ALMS1: variants seen among roughly 807,000 people sequenced by gnomAD.
ALMS1 encodes ALMS1 centrosome and basal body associated protein, also known as centrosome-associated protein ALMS1.
In ALMS1, 271 loss-of-function variants were observed where a neutral mutation model predicts 352.2. The ratio of observed to expected loss-of-function variants is 0.77; its 90% CI spans 0.70 to 0.85. The LOEUF (loss-of-function observed/expected upper bound fraction) is 0.85. ALMS1 is among the 40% of genes least tolerant of loss of function. The probability of loss-of-function intolerance (pLI) is 0.00; values close to 1 mark genes in which losing one functional copy is unlikely to be tolerated. For missense variants in ALMS1, 5,445 were observed against 4,870.7 expected, an observed-to-expected ratio of 1.12 and a Z score of -3.51; for synonymous variants, 1,865 against 1,761.2, an observed-to-expected ratio of 1.06 and a Z score of -1.48.
At chr2:73,540,984 C>A (rs1275607526) in intron 12 of ALMS1, among the ~76,000 whole-genome samples, 5 of 152,056 alleles carry the variant, frequency 3.3e-5, no homozygotes, top group East Asian at 1.9e-4. Flanking sequence ...GTTAACAAGG[C>A]TATCCAGGAA....
At chr2:73,528,276 G>A (rs1053311396) in intron 11 of ALMS1, among the ~76,000 whole-genome samples, 11 of 152,010 alleles carry the variant, frequency 7.2e-5, no homozygotes, top group Non-Finnish European at 1.2e-4. Flanking sequence ...ATGTATCTTC[G>A]TTGATTTTTC....
chr2:73,389,324 T>C (rs1020399492), intron 1 of ALMS1, among the ~76,000 whole-genome samples: 2 of 152,214 alleles, frequency 1.3e-5, no homozygotes, highest in African/African-American at 4.8e-5. Flanking sequence ...GAGTTCCTTA[T>C]AGATGCTGGA....
chr2:73,395,074 ATATATT>A (rs1416283469), intron 1 of ALMS1, among the ~76,000 whole-genome samples: 1 of 101,268 alleles, frequency 9.9e-6, no homozygotes, highest in African/African-American at 5.2e-5. Context: ...ATATATATAT[ATATATT>A]TTTTTTTTTT....
chr2:73,391,428 C>T (rs963474738), intron 1 of ALMS1, among the ~76,000 whole-genome samples: 5 of 150,898 alleles, frequency 3.3e-5, no homozygotes, highest in Admixed American at 6.6e-5. Context: ...CGAGTAGCTG[C>T]GACTACAGGC....
At chr2:73,567,982 T>G (rs917777144) in intron 15 of ALMS1, among the ~76,000 whole-genome samples, 2 of 152,090 alleles carry the variant, frequency 1.3e-5, no homozygotes, top group African/African-American at 4.8e-5. Context: ...ATTGAGAAAC[T>G]GAGAAAAGGG....
At chr2:73,603,211 C>G in intron 20 of ALMS1, 30 bp from the exon 21 acceptor site, 1 of 1,610,286 alleles carries the variant, frequency 6.2e-7, no homozygotes, top group Non-Finnish European at 8.5e-7. Context: ...AAGTCACTGT[C>G]CACTGAAAAC....
intron 12 of ALMS1, among the ~76,000 whole-genome samples, chr2:73,540,959 T>C (rs578193313): frequency 2.5e-4 from 38 of 152,322 alleles, no homozygotes; most frequent in African/African-American, 7.2e-4. Flanking sequence ...ATTAGACAGA[T>C]CAATGAGACA....
chr2:73,497,072 T>A (rs1296863443), intron 10 of ALMS1, among the ~76,000 whole-genome samples: 1 of 152,202 alleles, frequency 6.6e-6, no homozygotes, highest in Non-Finnish European at 1.5e-5. Flanking sequence ...GTCCAATTAA[T>A]TGATTTTTAA....
At chr2:73,492,054 G>A (rs901823407) in intron 10 of ALMS1, among the ~76,000 whole-genome samples, 6 of 152,164 alleles carry the variant, frequency 3.9e-5, no homozygotes, top group African/African-American at 9.7e-5. Context: ...TGTGCTCCCT[G>A]ATATGATGCC....
chr2:73,534,756 A>G (rs1346621945), intron 11 of ALMS1, 68 bp from the exon 12 acceptor site: 25 of 1,532,990 alleles, frequency 1.6e-5, no homozygotes, highest in Non-Finnish European at 2.3e-5. Flanking sequence ...CATAGAAGGC[A>G]TTCCATATTT....
intron 9 of ALMS1, among the ~76,000 whole-genome samples, chr2:73,481,461 G>A (rs1039983679): frequency 9.9e-5 from 15 of 152,156 alleles, no homozygotes; most frequent in Non-Finnish European, 1.8e-4. Flanking sequence ...CCAGTACCAT[G>A]CTGTTTTGGT....
rs1221148470 is a variant in ALMS1 at position 73,424,525 on chromosome 2, A to G, written c.860A>G (p.Asp287Gly). ...LFQATAEVAS[D>G]LASSRFSVSQ... The stretch of plus-strand genomic sequence containing the variant: ...CAGGCTACTGCAGAAGTAGCTTCAG[A>G]CTTAGCAAGCAGTCGCTTTAGTGTA... Residue 287 changes from aspartate (D) to glycine (G), a missense_variant, in exon 5 of 23, where the codon GAC becomes GGC. Coordinates refer to ENST00000613296, the MANE Select transcript of ALMS1 (RefSeq NM_001378454.1). The G allele has an allele frequency of 6.2e-7, 1 of 1,611,414 alleles. No individual in the cohort carries two copies. The highest frequency in any genetic ancestry group is 8.5e-7 in the Non-Finnish European group (1 of 1,178,438).
rs1209901225 is a variant in ALMS1, at chr2:73,603,420, A to G, written c.12362+116A>G. 8.4e-6 allele frequency: 8 copies of G among 951,952 alleles called. No homozygotes were observed. In the East Asian group the frequency reaches 2.1e-4, roughly 24 times the overall value. 59.0% of individuals were successfully genotyped at this position (951,952 alleles called of 1,614,324 possible). A position where few individuals can be genotyped will look rare whatever the true frequency, so the allele number is the denominator to read the frequency against. On this transcript the variant is annotated intron_variant, in intron 21 of 22. Transcript: ENST00000613296. ...TATACTCAAGTTTAAACATTATGAG[A>G]AAGTTGTGAGAGTCATTTCTCACTT... is the stretch of plus-strand genomic sequence containing the variant.
intron 12 of ALMS1, among the ~76,000 whole-genome samples, chr2:73,546,047 A>G (rs984728830): frequency 6.6e-6 from 1 of 152,174 alleles, no homozygotes; most frequent in African/African-American, 2.4e-5. Context: ...GCTTGGAGGA[A>G]AAAGTGGACC....
intron 16 of ALMS1, among the ~76,000 whole-genome samples, chr2:73,584,441 C>T (rs1469061061): frequency 1.3e-5 from 2 of 152,144 alleles, no homozygotes; most frequent in African/African-American, 4.8e-5. Context: ...TTTGACTAGA[C>T]TGTTAAATGT....
Position 73,467,612 on chromosome 2 carries a change from C to G in ALMS1, c.7674+12317C>G, listed in dbSNP as rs552089992. ...TCCTACTTCTTTTTAGGTACGTACT[C>G]AAGAACTATCAGTACATATGTTCAG... On this transcript the variant is annotated intron_variant, in intron 9 of 22. Coordinates refer to ENST00000613296, the MANE Select transcript of ALMS1 (RefSeq NM_001378454.1). Among the ~76,000 whole-genome samples, 60 of 152,096 alleles carry G rather than the reference C, an allele frequency of 3.9e-4. No individual in the cohort carries two copies. In the South Asian group the frequency reaches 5.4e-3, roughly 14 times the overall value.
In ALMS1 at chr2:73,551,308, C is replaced by T. The variant is rs540093018; in HGVS notation, c.10078+871C>T. ...CTGCAGCTGAGCCATGGCTGTCCCC[C>T]TGCAGGCAGGACATCCATTCTCTTG... On this transcript the variant is annotated intron_variant, in intron 13 of 22. Coordinates refer to ENST00000613296, the MANE Select transcript of ALMS1 (RefSeq NM_001378454.1). Among the ~76,000 whole-genome samples the T allele has an allele frequency of 1.6e-4, 24 of 152,242 alleles. No individual in the cohort carries two copies. In the East Asian group the frequency reaches 3.9e-3, roughly 24 times the overall value.
chr2:73,550,984 G>A (rs1024096859), intron 13 of ALMS1, among the ~76,000 whole-genome samples: 2 of 152,004 alleles, frequency 1.3e-5, no homozygotes, highest in Non-Finnish European at 2.9e-5. Flanking sequence ...TGGGGCCAGA[G>A]GCACACACCA....
chr2:73,441,396 A>G (rs1671715517), intron 7 of ALMS1, among the ~76,000 whole-genome samples: 1 of 152,134 alleles, frequency 6.6e-6, no homozygotes, highest in Non-Finnish European at 1.5e-5. Flanking sequence ...GGACAGGGAG[A>G]TGCCAAACCT....
Sources: gnomAD v4.1 joint callset for allele counts (sites outside exome capture counted in the v4.1 genomes callset) on GRCh38, gnomAD v4.1.1 for gene constraint, MANE v1.5 for transcripts, NCBI Gene and HGNC (gene_info 2026-07-23, HGNC 2026-07-21) for gene names.